The following FILIP1 variants were observed in gnomAD, a reference collection of about 807,000 sequenced individuals.
The protein encoded by FILIP1 is filamin-A-interacting protein 1.
FILIP1 carries 61 observed loss-of-function variants against 102.1 expected under a neutral mutation model. The observed-to-expected ratio is 0.60, with a 90% CI of 0.49 to 0.74. The LOEUF (loss-of-function observed/expected upper bound fraction) is 0.74, where lower values mean the gene tolerates loss of function less well. FILIP1 is among the 30% of genes least tolerant of loss of function. The pLI is 0.00. For missense variants in FILIP1, 1,314 were observed against 1,441.2 expected (o/e 0.91, Z 1.43); for synonymous variants, 491 against 526.9 (o/e 0.93, Z 0.93).
chr6:75,349,997 A>G (rs1774732730), intron 4 of FILIP1, among the ~76,000 whole-genome samples: 1 of 152,032 alleles, frequency 6.6e-6, no homozygotes, highest in South Asian at 2.1e-4. Flanking sequence ...CCTTTGAAAA[A>G]TCCCAAAAAC....
At chr6:75,320,993 T>C (rs189521543) in intron 4 of FILIP1, among the ~76,000 whole-genome samples, 4 of 152,288 alleles carry the variant, frequency 2.6e-5, no homozygotes, top group African/African-American at 4.8e-5. Context: ...TTTTCTCTCA[T>C]AGGTTTTTGT....
chr6:75,347,580 C>T (rs757186970), intron 4 of FILIP1, among the ~76,000 whole-genome samples: 3 of 152,170 alleles, frequency 2.0e-5, no homozygotes, highest in Non-Finnish European at 2.9e-5. Context: ...GAGATATGGC[C>T]ACTAAACCTA....
At position 75,314,849 on chromosome 6, in the gene FILIP1, T is replaced by C. The variant is rs565134355; in HGVS notation, c.983A>G (p.Asn328Ser). The C allele has an allele frequency of 3.7e-6, 6 of 1,614,120 alleles. No homozygotes were observed. The highest frequency in any genetic ancestry group is 4.5e-5 in the East Asian group (2 of 44,886). The change falls in exon 5 of 6, where the codon AAT becomes AGT. Residue 328 changes from asparagine (N) to serine (S), a missense_variant. Physicochemically the swap from Asn to Ser is conservative, Grantham distance 46 (BLOSUM62 1). Transcript: ENST00000237172. ...AACCAGCTTGAGTCTAAGTTGCCTA[T>C]TGTGAGACTCTTGATTAGCCAGTTT... ...NAKLANQESH[N>S]RQLRLKLVGL...
At chr6:75,393,257 CATA>C (rs1171080758) in intron 2 of FILIP1, among the ~76,000 whole-genome samples, 1 of 152,008 alleles carries the variant, frequency 6.6e-6, no homozygotes, top group Non-Finnish European at 1.5e-5. Flanking sequence ...TTTTAAAAGA[CATA>C]ATGACATTTT....
chr6:75,389,188 T>C (rs1161092131), intron 2 of FILIP1, among the ~76,000 whole-genome samples: 1 of 152,218 alleles, frequency 6.6e-6, no homozygotes, highest in Non-Finnish European at 1.5e-5. Flanking sequence ...GATTTGGATA[T>C]GTTGAATCAG....
chr6:75,367,005 A>AT (rs1313399010), intron 2 of FILIP1, among the ~76,000 whole-genome samples: 1 of 152,314 alleles, frequency 6.6e-6, no homozygotes, highest in East Asian at 1.9e-4. Flanking sequence ...GCAGGTATCT[A>AT]TTTCAGTTTA....
chr6:75,299,928 G>A (rs1220684199), intron 6 of FILIP1, among the ~76,000 whole-genome samples: 1 of 152,166 alleles, frequency 6.6e-6, no homozygotes, highest in African/African-American at 2.4e-5. Context: ...GATTTGGGGA[G>A]AAATTTGGGG....
chr6:75,353,874 T>C (rs1774897433), intron 3 of FILIP1, among the ~76,000 whole-genome samples, 157 bp from the exon 4 acceptor site: 1 of 152,240 alleles, frequency 6.6e-6, no homozygotes, highest in Non-Finnish European at 1.5e-5. Context: ...AGTTTCTTTA[T>C]GCTGATTGGC....
At chr6:75,430,559 C>T (rs1174569849) in intron 1 of FILIP1, among the ~76,000 whole-genome samples, 2 of 151,974 alleles carry the variant, frequency 1.3e-5, no homozygotes, top group Non-Finnish European at 2.9e-5. Context: ...AATAACAGCT[C>T]ACACCCCAAT....
intron 4 of FILIP1, among the ~76,000 whole-genome samples, chr6:75,320,460 C>A (rs1479436341): frequency 6.6e-6 from 1 of 152,012 alleles, no homozygotes; most frequent in Non-Finnish European, 1.5e-5. Flanking sequence ...GCCTGTAATC[C>A]CAGCTACTCA....
At chr6:75,427,674 C>T (rs1192941357) in intron 1 of FILIP1, among the ~76,000 whole-genome samples, 2 of 152,086 alleles carry the variant, frequency 1.3e-5, no homozygotes, top group Non-Finnish European at 2.9e-5. Flanking sequence ...TTCTCATTTT[C>T]CCTTCCATGC....
chr6:75,409,727 ACAC>A, intron 2 of FILIP1, among the ~76,000 whole-genome samples: 1 of 152,202 alleles, frequency 6.6e-6, no homozygotes, highest in Admixed American at 6.5e-5. Context: ...CCTATAGATA[ACAC>A]CACTATTGTA....
At chr6:75,387,027 C>T (rs118186124) in intron 2 of FILIP1, among the ~76,000 whole-genome samples, 1 of 152,044 alleles carries the variant, frequency 6.6e-6, no homozygotes, top group African/African-American at 2.4e-5. Flanking sequence ...TTGCCCCCCA[C>T]CCACCAACAG....
intron 4 of FILIP1, among the ~76,000 whole-genome samples, chr6:75,350,882 C>T (rs751643583): frequency 2.0e-5 from 3 of 152,120 alleles, no homozygotes; most frequent in Non-Finnish European, 2.9e-5. Context: ...ATTTGATTTT[C>T]GATATTCTAA....
At chr6:75,437,099 G>A (rs1469484363) in intron 1 of FILIP1, among the ~76,000 whole-genome samples, 1 of 152,138 alleles carries the variant, frequency 6.6e-6, no homozygotes, top group Non-Finnish European at 1.5e-5. Flanking sequence ...ATTCCTAAGT[G>A]AAATATTATG....
chr6:75,378,339 G>A (rs1015733757), intron 2 of FILIP1, among the ~76,000 whole-genome samples: 3 of 152,144 alleles, frequency 2.0e-5, no homozygotes, highest in Non-Finnish European at 2.9e-5. Context: ...TGAAACATGT[G>A]GCACTAAATA....
At chr6:75,410,049 C>T (rs2951940) in intron 2 of FILIP1, among the ~76,000 whole-genome samples, 8 of 152,126 alleles carry the variant, frequency 5.3e-5, no homozygotes, top group Non-Finnish European at 4.4e-5. Flanking sequence ...CCATTTTTCT[C>T]CTGCAATACC....
chr6:75,458,217 G>A (rs2149745970), intron 1 of FILIP1: 1 of 152,270 alleles, frequency 6.6e-6, no homozygotes, highest in African/African-American at 2.4e-5. Flanking sequence ...TCAAAACTAG[G>A]AAGGACGCTA....
chr6:75,329,214 T>C (rs1446790600), intron 4 of FILIP1, among the ~76,000 whole-genome samples: 2 of 152,236 alleles, frequency 1.3e-5, no homozygotes, highest in African/African-American at 4.8e-5. Context: ...TGCTCCTAAA[T>C]ATTTAAGGGG....
Sources: allele counts gnomAD v4.1 joint callset (sites outside exome capture counted in the v4.1 genomes callset), GRCh38; gene constraint gnomAD v4.1.1; transcripts MANE v1.5; gene names NCBI Gene and HGNC (gene_info 2026-07-23, HGNC 2026-07-21).